CDH13: variants seen among roughly 807,000 people sequenced by gnomAD.
CDH13 encodes cadherin 13.
Under a neutral mutation model 63.8 loss-of-function variants are expected in CDH13, and 24 were observed. The observed-to-expected ratio is 0.38, with a 90% CI of 0.27 to 0.53. The LOEUF (loss-of-function observed/expected upper bound fraction) is 0.53, where lower values mean the gene tolerates loss of function less well. Ranked by LOEUF, CDH13 falls within the 20% of genes least tolerant of loss-of-function variation. The pLI, the probability that CDH13 is intolerant of heterozygous loss-of-function variation, is 0.85. For synonymous variants in CDH13, 503 were observed against 355.3 expected, an observed-to-expected ratio of 1.42 and a Z score of -4.67; for missense variants, 1,049 against 903.1, an observed-to-expected ratio of 1.16 and a Z score of -2.07.
chr16:82,787,821 G>A (rs1419982439), intron 1 of CDH13, among the ~76,000 whole-genome samples: 1 of 11,186 alleles, frequency 8.9e-5, no homozygotes, highest in African/African-American at 1.7e-4. Flanking sequence ...CGGACTGTAT[G>A]GAGGGGGGTG....
chr16:83,420,302 C>A (rs956229235), intron 6 of CDH13, among the ~76,000 whole-genome samples: 3 of 152,084 alleles, frequency 2.0e-5, no homozygotes, highest in Admixed American at 6.5e-5. Flanking sequence ...AAAATTGGAG[C>A]AGGAGGTCTG....
chr16:82,978,586 G>T (rs996828714), intron 2 of CDH13, among the ~76,000 whole-genome samples: 1 of 152,258 alleles, frequency 6.6e-6, no homozygotes, highest in Non-Finnish European at 1.5e-5. Flanking sequence ...TTCGGTGGGT[G>T]CAAGCCCCAA....
At chr16:82,977,516 C>T (rs1309437741) in intron 2 of CDH13, among the ~76,000 whole-genome samples, 1 of 152,068 alleles carries the variant, frequency 6.6e-6, no homozygotes, top group Non-Finnish European at 1.5e-5. Flanking sequence ...GGCTTTTCCC[C>T]CTTTTGCTTG....
At chr16:83,521,407 G>C (rs895742861) in intron 7 of CDH13, among the ~76,000 whole-genome samples, 8 of 152,006 alleles carry the variant, frequency 5.3e-5, no homozygotes, top group Admixed American at 1.3e-4. Context: ...TGCTAATAGA[G>C]TAGTAGCGGC....
chr16:83,384,648 G>T (rs1487254448), intron 6 of CDH13, among the ~76,000 whole-genome samples: 1 of 152,192 alleles, frequency 6.6e-6, no homozygotes, highest in African/African-American at 2.4e-5. Context: ...CAGCAGCATG[G>T]GATCCGAGGG....
chr16:82,900,764 G>A (rs901079465), intron 2 of CDH13, among the ~76,000 whole-genome samples: 8 of 152,320 alleles, frequency 5.3e-5, no homozygotes, highest in South Asian at 4.1e-4. Flanking sequence ...CTGCCCGGCC[G>A]TTAGCTTTTG....
At chr16:83,794,904 TCG>T (rs1904274854) in intron 13 of CDH13, 117 bp from the exon 14 acceptor site, 6 of 890,312 alleles carry the variant, frequency 6.7e-6, no homozygotes, top group Middle Eastern at 2.1e-4. Flanking sequence ...TCCCCCATAG[TCG>T]TGTGATGTTT....
chr16:83,432,140 G>C (rs942269962), intron 6 of CDH13, among the ~76,000 whole-genome samples: 1 of 152,280 alleles, frequency 6.6e-6, no homozygotes, highest in Middle Eastern at 3.4e-3. Flanking sequence ...TCAGATTGTG[G>C]TATATTGCCA....
intron 8 of CDH13, among the ~76,000 whole-genome samples, chr16:83,632,222 TTTCTGAGTTCTTA>T (rs1206029328): frequency 2.0e-5 from 3 of 151,174 alleles, no homozygotes; most frequent in Non-Finnish European, 2.9e-5. Context: ...CCCAGTTCTG[TTTCTGAGTTCTTA>T]TTCACAGGGC....
At chr16:83,432,961 C>T (rs1487702320) in intron 6 of CDH13, among the ~76,000 whole-genome samples, 1 of 152,202 alleles carries the variant, frequency 6.6e-6, no homozygotes, top group Non-Finnish European at 1.5e-5. Context: ...CTTTACAAAA[C>T]AGAAGCCATG....
At chr16:82,906,548 G>A (rs1010793290) in intron 2 of CDH13, among the ~76,000 whole-genome samples, 1 of 152,172 alleles carries the variant, frequency 6.6e-6, no homozygotes, top group Non-Finnish European at 1.5e-5. Context: ...GTTTCTCATT[G>A]CCAGGATTTT....
chr16:82,854,902 C>T (rs17673003), intron 1 of CDH13, among the ~76,000 whole-genome samples: 39,641 of 152,048 alleles, frequency 0.26, 5,945 homozygotes, highest in Non-Finnish European at 0.35. Flanking sequence ...TGTGTGGCAC[C>T]TTTCTCATTG....
intron 1 of CDH13, among the ~76,000 whole-genome samples, chr16:82,723,801 A>G (rs2032929188): frequency 6.6e-6 from 1 of 152,202 alleles, no homozygotes; most frequent in Non-Finnish European, 1.5e-5. Context: ...CAGAGTTAAA[A>G]AAAATATAAG....
At chr16:83,000,765 G>C (rs1040066171) in intron 2 of CDH13, among the ~76,000 whole-genome samples, 2 of 151,824 alleles carry the variant, frequency 1.3e-5, no homozygotes, top group Non-Finnish European at 2.9e-5. Flanking sequence ...ATTTTTAGTA[G>C]AGACAGGGTT....
At chr16:82,719,369 G>C (rs761376095) in intron 1 of CDH13, 4 of 455,856 alleles carry the variant, frequency 8.8e-6, no homozygotes. Flanking sequence ...GAGTCAGGTG[G>C]TCCTGTGTGC....
At chr16:83,320,873 T>C (rs1451246471) in intron 5 of CDH13, among the ~76,000 whole-genome samples, 1 of 152,126 alleles carries the variant, frequency 6.6e-6, no homozygotes, top group Non-Finnish European at 1.5e-5. Flanking sequence ...ATTTTAGGGA[T>C]GGAAGAATTT....
chr16:83,001,193 A>G (rs572035425), intron 2 of CDH13, among the ~76,000 whole-genome samples: 1 of 152,372 alleles, frequency 6.6e-6, no homozygotes, highest in South Asian at 2.1e-4. Context: ...TGGTGACCAC[A>G]CAGCATAGAA....
At chr16:83,697,922 A>G (rs1345857239) in intron 10 of CDH13, among the ~76,000 whole-genome samples, 1 of 152,220 alleles carries the variant, frequency 6.6e-6, no homozygotes, top group African/African-American at 2.4e-5. Context: ...TGCTGGGATT[A>G]CAGGCGTGAG....
In CDH13 at chr16:83,085,452, C is replaced by T. The variant is rs141234929; in HGVS notation, c.367-39933C>T. On this transcript the variant is annotated intron_variant, in intron 3 of 13. Transcript: ENST00000567109. The stretch of plus-strand genomic sequence containing the variant: ...GGTGTGCAAGATGGCTGATACATGT[C>T]TAGCTATCATGTCAGCAAGACTGGG... 1.6e-3 allele frequency among the ~76,000 whole-genome samples: 237 copies of T among 152,188 alleles called. 1 individual carries two copies. The highest frequency in any genetic ancestry group is 5.3e-3 in the African/African-American group (222 of 41,516).
Sources: gnomAD v4.1 joint callset for allele counts (sites outside exome capture counted in the v4.1 genomes callset) on GRCh38, gnomAD v4.1.1 for gene constraint, MANE v1.5 for transcripts, NCBI Gene and HGNC (gene_info 2026-07-23, HGNC 2026-07-21) for gene names.